UGGT1: variants seen among roughly 807,000 people sequenced by gnomAD.
UGGT1 encodes UDP-glucose glycoprotein glucosyltransferase 1, also known as UDP-glucose:glycoprotein glucosyltransferase 1.
UGGT1 carries 107 observed loss-of-function variants against 203.9 expected under a neutral mutation model. The observed-to-expected ratio is 0.52, with a 90% CI of 0.45 to 0.62. The LOEUF is 0.62. Ranked by LOEUF, UGGT1 falls within the 20% of genes least tolerant of loss-of-function variation. The pLI is 0.00. For synonymous variants in UGGT1, 628 were observed against 653.5 expected, an observed-to-expected ratio of 0.96 and a Z score of 0.59; for missense variants, 1,673 against 1,867.2, an observed-to-expected ratio of 0.90 and a Z score of 1.92.
chr2:128,091,277 G>A lies in UGGT1; in HGVS notation c.-81G>A, dbSNP rs914403008. On this transcript the variant is annotated 5_prime_UTR_variant, in exon 1 of 41. Transcript: ENST00000259253. ...CGCGTGTCGGCCTCTCACTGGCGCA[G>A]CCTGCACTGCCGCTGCCGCCTCGCC... 8.5e-6 allele frequency: 12 copies of A among 1,413,582 alleles called. No individual in the cohort carries two copies. The Admixed American group carries it at 1.8e-4, about 21-fold the overall frequency. The allele number at this position is 1,413,582 out of a possible 1,614,324, so 87.6% of individuals were successfully genotyped here.
chr2:128,179,459 C>G (rs567493959), intron 34 of UGGT1, among the ~76,000 whole-genome samples: 57 of 152,182 alleles, frequency 3.7e-4, no homozygotes, highest in African/African-American at 1.2e-3. Flanking sequence ...TCAGTTACCC[C>G]GATTTCCAGG....
chr2:128,134,790 A>G (rs1344790360), intron 14 of UGGT1, 86 bp from the exon 15 acceptor site: 3 of 1,221,276 alleles, frequency 2.5e-6, no homozygotes, highest in Admixed American at 3.7e-5. Context: ...GGTTGGCTTC[A>G]TGTACAGTGA....
At chr2:128,178,667 C>T in intron 34 of UGGT1, 98 bp downstream of exon 34, 4 of 1,050,376 alleles carry the variant, frequency 3.8e-6, no homozygotes, top group Non-Finnish European at 5.5e-6. Context: ...TCATTATACT[C>T]CTGTGTCTTT....
At position 128,098,584 on chromosome 2, in the gene UGGT1, C is replaced by T. The variant is rs543473378; in HGVS notation, c.194+1020C>T. Reference sequence around the variant, plus strand: ...CAGCCTGGGCAACATGGGGAAACCCCGTCTCTCCAGAAAAAAATAGCTGAG... The same window carrying T: ...CAGCCTGGGCAACATGGGGAAACCCTGTCTCTCCAGAAAAAAATAGCTGAG... On this transcript the variant is annotated intron_variant, in intron 2 of 40. Coordinates refer to ENST00000259253, the MANE Select transcript of UGGT1 (RefSeq NM_020120.4). Among the ~76,000 whole-genome samples the T allele has an allele frequency of 6.6e-4, 101 of 152,100 alleles. 1 individual carries two copies. Among genetic ancestry groups the T allele is most frequent in the African/African-American group, 2.2e-3 (91 of 41,528 alleles).
chr2:128,149,677 G>T (rs997258979), intron 18 of UGGT1, among the ~76,000 whole-genome samples: 3 of 151,974 alleles, frequency 2.0e-5, no homozygotes, highest in Admixed American at 1.3e-4. Flanking sequence ...GGAGGCTGAG[G>T]CAGGAGAATC....
intron 22 of UGGT1, among the ~76,000 whole-genome samples, chr2:128,159,251 C>G (rs548333352): frequency 1.2e-3 from 187 of 151,986 alleles, no homozygotes; most frequent in Middle Eastern, 3.4e-3. Flanking sequence ...AGGCGCCCAC[C>G]ACCATGCCTG....
At chr2:128,149,798 A>G (rs192493363) in intron 18 of UGGT1, among the ~76,000 whole-genome samples, 98 of 150,084 alleles carry the variant, frequency 6.5e-4, no homozygotes, top group African/African-American at 2.3e-3. Context: ...GAAAAAAAAA[A>G]AATAATAATA....
At chr2:128,122,464 G>A (rs530369760) in intron 10 of UGGT1, among the ~76,000 whole-genome samples, 70 of 151,840 alleles carry the variant, frequency 4.6e-4, no homozygotes, top group Non-Finnish European at 4.0e-4. Context: ...AACCCGGGAG[G>A]TGAAGGTTAC....
chr2:128,142,498 G>A (rs1419555628), intron 16 of UGGT1, among the ~76,000 whole-genome samples: 1 of 149,792 alleles, frequency 6.7e-6, no homozygotes, highest in African/African-American at 2.4e-5. Context: ...GGCAGGAGAA[G>A]CGCTTGAACC....
chr2:128,183,935 TGTGA>T (rs1342454595), intron 38 of UGGT1, 146 bp downstream of exon 38: 271 of 517,244 alleles, frequency 5.2e-4, no homozygotes, highest in East Asian at 8.4e-4. Flanking sequence ...TGTGTGTGTG[TGTGA>T]GAGAGAGAGA....
chr2:128,186,434 G>T (rs1029288875), intron 38 of UGGT1, among the ~76,000 whole-genome samples: 1 of 151,986 alleles, frequency 6.6e-6, no homozygotes. Flanking sequence ...ATGGCAAAAC[G>T]CATCTCTAGT....
At chr2:128,120,100 C>T (rs1232313236) in intron 8 of UGGT1, among the ~76,000 whole-genome samples, 3 of 152,058 alleles carry the variant, frequency 2.0e-5, no homozygotes, top group Non-Finnish European at 4.4e-5. Flanking sequence ...TTGTTAACCA[C>T]TCTCAGTCTC....
chr2:128,160,421 G>T (rs372424266), intron 23 of UGGT1, 39 bp from the exon 24 acceptor site: 1 of 1,566,280 alleles, frequency 6.4e-7, no homozygotes, highest in Admixed American at 2.1e-5. Flanking sequence ...GGTTTGCTTA[G>T]TAACGACTAT....
At chr2:128,181,825 G>T (rs1691705204) in intron 36 of UGGT1, among the ~76,000 whole-genome samples, 1 of 152,230 alleles carries the variant, frequency 6.6e-6, no homozygotes, top group African/African-American at 2.4e-5. Flanking sequence ...GCAACCCTGT[G>T]AGATAGGTAC....
At chr2:128,129,508 C>T (rs1688774235) in intron 13 of UGGT1, among the ~76,000 whole-genome samples, 1 of 151,616 alleles carries the variant, frequency 6.6e-6, no homozygotes, top group South Asian at 2.1e-4. Context: ...AAGCAATTCT[C>T]CTGCCTCAGC....
chr2:128,189,621 C>T, intron 40 of UGGT1, 96 bp from the exon 41 acceptor site: 1 of 1,280,798 alleles, frequency 7.8e-7, no homozygotes, highest in South Asian at 1.3e-5. Flanking sequence ...GGTGGAGGTA[C>T]AAAGAATAGG....
At chr2:128,166,317 G>A (rs1690786491) in intron 26 of UGGT1, among the ~76,000 whole-genome samples, 1 of 152,112 alleles carries the variant, frequency 6.6e-6, no homozygotes, top group Non-Finnish European at 1.5e-5. Context: ...GCATACACAC[G>A]GTCATATTTT....
At chr2:128,130,576 A>G (rs1016756544) in intron 13 of UGGT1, among the ~76,000 whole-genome samples, 4 of 152,228 alleles carry the variant, frequency 2.6e-5, no homozygotes, top group Non-Finnish European at 5.9e-5. Flanking sequence ...TAACAACCAT[A>G]GGACCCATCA....
chr2:128,121,404 T>TA, intron 10 of UGGT1, 106 bp downstream of exon 10: 152 of 664,056 alleles, frequency 2.3e-4, no homozygotes, highest in Non-Finnish European at 3.0e-4. Flanking sequence ...AAATTAAGAT[T>TA]CTTTTTTTTT....
Sources: gnomAD v4.1 joint callset for allele counts (sites outside exome capture counted in the v4.1 genomes callset) on GRCh38, gnomAD v4.1.1 for gene constraint, MANE v1.5 for transcripts, NCBI Gene and HGNC (gene_info 2026-07-23, HGNC 2026-07-21) for gene names.